Variants in PTMS observed in about 807,000 individuals in gnomAD.
PTMS encodes the protein parathymosin.
A neutral mutation model predicts 18.4 loss-of-function variants in PTMS; 5 were observed. The ratio of observed to expected loss-of-function variants is 0.27; its 90% CI spans 0.14 to 0.57. The LOEUF is 0.57. Ranked by LOEUF, PTMS falls within the 20% of genes least tolerant of loss-of-function variation. The pLI is 0.92. For missense variants in PTMS, 93 were observed against 124.6 expected, an observed-to-expected ratio of 0.75 and a Z score of 1.21; for synonymous variants, 53 against 47.7, an observed-to-expected ratio of 1.11 and a Z score of -0.46.
intron 1 of PTMS, chr12:6,768,987 T>A (rs1018360126): frequency 1.3e-5 from 2 of 156,422 alleles, no homozygotes; most frequent in Non-Finnish European, 2.8e-5. Context: ...AGGAAACTAC[T>A]TGAACTGTTT....
At chr12:6,768,786 C>G (rs1314977675) in intron 1 of PTMS, among the ~76,000 whole-genome samples, 2 of 152,122 alleles carry the variant, frequency 1.3e-5, no homozygotes, top group Non-Finnish European at 2.9e-5. Flanking sequence ...GTGGGAGGGT[C>G]TCCTAGACTG....
At chr12:6,769,244 G>A (rs1444618885) in intron 1 of PTMS, 2 of 284,726 alleles carry the variant, frequency 7.0e-6, no homozygotes, top group Non-Finnish European at 1.3e-5. Flanking sequence ...GACACAGGAG[G>A]GGGCGGGGCA....
At chr12:6,769,269 A>G (rs12581456) in intron 1 of PTMS, 3 of 329,242 alleles carry the variant, frequency 9.1e-6, no homozygotes, top group Non-Finnish European at 5.6e-6. Flanking sequence ...GGCTGCAAGC[A>G]GATGGAGAGG....
intron 1 of PTMS, 112 bp downstream of exon 1, chr12:6,766,862 G>C: frequency 8.6e-6 from 6 of 700,598 alleles, no homozygotes; most frequent in Non-Finnish European, 1.1e-5. Flanking sequence ...CCCGGGTCCT[G>C]GCGGACCCCA....
rs1941830346 is a variant in PTMS, at chr12:6,770,877, C to T, written c.*435C>T. On this transcript the variant is annotated 3_prime_UTR_variant, in exon 5 of 5. Transcript: ENST00000309083. This position sits in a 1 kb window ranked among gnomAD's most constrained non-coding sequence, Gnocchi z 7.3. ...GGCCGGGGTGGGGCCGGGGTTGGGG[C>T]CGAGCCCCACAGCTGCCCCCCTCCC... is the stretch of plus-strand genomic sequence containing the variant. 5.4e-6 allele frequency: 1 copy of T among 183,702 alleles called. No individual in the cohort carries two copies. Among genetic ancestry groups the T allele is most frequent in the Non-Finnish European group, 1.1e-5 (1 of 87,216 alleles). The allele number at this position is 183,702 out of a possible 1,614,324, so 11.4% of individuals were successfully genotyped here. A position where few individuals can be genotyped will look rare whatever the true frequency, so the allele number is the denominator to read the frequency against.
At chr12:6,768,411 A>G (rs1332402457) in intron 1 of PTMS, among the ~76,000 whole-genome samples, 1 of 152,182 alleles carries the variant, frequency 6.6e-6, no homozygotes. Context: ...GAGAGTGAAG[A>G]GTTCTGAGCT....
In PTMS at chr12:6,770,100, C is replaced by G; in HGVS notation, c.197-57C>G. The G allele has an allele frequency of 3.1e-6, 5 of 1,612,102 alleles. No individual in the cohort carries two copies. The highest frequency in any genetic ancestry group is 4.2e-6 in the Non-Finnish European group (5 of 1,179,146). On this transcript the variant is annotated intron_variant, in intron 3 of 4. Coordinates refer to ENST00000309083, the MANE Select transcript of PTMS (RefSeq NM_002824.6). This position sits in a 1 kb window ranked among gnomAD's most constrained non-coding sequence, Gnocchi z 7.3. ...CCTGAAGCAGGGCTGAGGGCGACCA[C>G]GGGGGCTCTGCCAGAGCTTCCTGCC...
Position 6,770,683 on chromosome 12 carries a change from A to G in PTMS, c.*241A>G, listed in dbSNP as rs1021181634. On this transcript the variant is annotated 3_prime_UTR_variant, in exon 5 of 5. Transcript: ENST00000309083. This position sits in a 1 kb window ranked among gnomAD's most constrained non-coding sequence, Gnocchi z 7.3. ...ATCTGAGCTCTCCAGCTGGCCCCCAATTGCTCCTCTCTCTCTTTGCTCTCT... is the reference window on the plus strand; with the variant it reads ...ATCTGAGCTCTCCAGCTGGCCCCCAGTTGCTCCTCTCTCTCTTTGCTCTCT... 3 of 582,252 alleles carry G rather than the reference A, an allele frequency of 5.2e-6. No homozygotes were observed. The highest frequency in any genetic ancestry group is 9.2e-6 in the Non-Finnish European group (3 of 325,702). 36.1% of individuals were successfully genotyped at this position (582,252 alleles called of 1,614,324 possible).
At chr12:6,768,405 G>T (rs1410029030) in intron 1 of PTMS, among the ~76,000 whole-genome samples, 2 of 152,194 alleles carry the variant, frequency 1.3e-5, no homozygotes, top group African/African-American at 2.4e-5. Flanking sequence ...TGGAGTGAGA[G>T]TGAAGAGTTC....
rs367793110 is a variant in PTMS at position 6,769,267 on chromosome 12, G to C, written c.46-336G>C. ...AGGGGGCGGGGCACTGAGGCTGCAA[G>C]CAGATGGAGAGGATTTGCTTTGCTG... On this transcript the variant is annotated intron_variant, in intron 1 of 4. Transcript: ENST00000309083. The C allele has an allele frequency of 1.6e-4, 53 of 325,276 alleles. No homozygotes were observed. The East Asian group carries it at 3.9e-3, about 24-fold the overall frequency. The allele number at this position is 325,276 out of a possible 1,614,324, so 20.1% of individuals were successfully genotyped here.
Position 6,770,453 on chromosome 12 carries a change from A to G in PTMS, c.*11A>G, listed in dbSNP as rs1565480194. The G allele has an allele frequency of 7.5e-6, 12 of 1,604,924 alleles. No homozygotes were observed. The highest frequency in any genetic ancestry group is 4.5e-5 in the East Asian group (2 of 44,680). On this transcript the variant is annotated 3_prime_UTR_variant, in exon 5 of 5. Transcript: ENST00000309083. This position sits in a 1 kb window ranked among gnomAD's most constrained non-coding sequence, Gnocchi z 7.3. ...GGGGCATCGGCGTGAGCCCCTGCCA[A>G]CAGGCTGGGGTTGGGAGGCCTCTCT...
At position 6,766,758 on chromosome 12, in the gene PTMS, CG is replaced by C. The variant is rs1324606367; in HGVS notation, c.45+13del. 5.7e-6 allele frequency: 6 copies of C among 1,050,478 alleles called. No individual in the cohort carries two copies. In the South Asian group the frequency reaches 1.2e-4, roughly 21 times the overall value. 65.1% of individuals were successfully genotyped at this position (1,050,478 alleles called of 1,614,324 possible). On this transcript the variant is annotated intron_variant, in intron 1 of 4. Coordinates refer to ENST00000309083, the MANE Select transcript of PTMS (RefSeq NM_002824.6). ...GCCGAGTTGAGCGCCAAGGTACGGG[CG>C]GGGGCGGCGGCGGCCCGGACCTCGC...
intron 1 of PTMS, chr12:6,769,285 C>A (rs986966383): frequency 5.4e-6 from 2 of 368,072 alleles, no homozygotes; most frequent in Non-Finnish European, 9.9e-6. Flanking sequence ...AGAGGATTTG[C>A]TTTGCTGAGC....
At chr12:6,768,857 CCTT>C (rs1162874875) in intron 1 of PTMS, among the ~76,000 whole-genome samples, 1 of 152,160 alleles carries the variant, frequency 6.6e-6, no homozygotes, top group African/African-American at 2.4e-5. Context: ...GTTGCTCTCT[CCTT>C]GTTTCCCACG....
At chr12:6,768,424 C>A (rs1368598517) in intron 1 of PTMS, among the ~76,000 whole-genome samples, 1 of 152,094 alleles carries the variant, frequency 6.6e-6, no homozygotes, top group Non-Finnish European at 1.5e-5. Context: ...TCTGAGCTAC[C>A]CTTAAAGGGA....
At chr12:6,768,302 C>T (rs1005771456) in intron 1 of PTMS, among the ~76,000 whole-genome samples, 3 of 152,118 alleles carry the variant, frequency 2.0e-5, no homozygotes, top group Admixed American at 2.0e-4. Flanking sequence ...TGGCCCAGGA[C>T]GTAGGGAAGA....
intron 1 of PTMS, chr12:6,767,193 G>C (rs1941777620): frequency 6.6e-6 from 1 of 151,902 alleles, no homozygotes; most frequent in Non-Finnish European, 1.5e-5. Flanking sequence ...ACTCTCCCTG[G>C]AGGCTGCTCC....
chr12:6,766,644 G>T lies in PTMS; in HGVS notation c.-62G>T, dbSNP rs1385768367. ...CCGCGGCCACCCTCCGCCGTCCAGG[G>T]CCCCTCCGTCTCGGCCCCGGGACCC... is the stretch of plus-strand genomic sequence containing the variant. On this transcript the variant is annotated 5_prime_UTR_variant, in exon 1 of 5. Coordinates refer to ENST00000309083, the MANE Select transcript of PTMS (RefSeq NM_002824.6). 2.5e-5 allele frequency: 25 copies of T among 1,012,928 alleles called. 1 individual carries two copies. The South Asian group carries it at 7.5e-4, about 31-fold the overall frequency. 62.7% of individuals were successfully genotyped at this position (1,012,928 alleles called of 1,614,324 possible). A position where few individuals can be genotyped will look rare whatever the true frequency, so the allele number is the denominator to read the frequency against.
At position 6,769,907 on chromosome 12, in the gene PTMS, C is replaced by G. The variant is rs1439698671; in HGVS notation, c.118-14C>G. The G allele has an allele frequency of 6.4e-7, 1 of 1,565,052 alleles. No individual in the cohort carries two copies. The highest frequency in any genetic ancestry group is 1.9e-5 in the Admixed American group (1 of 52,038). ...CAGCCAGCCTGAGGCTACTCCCTCT[C>G]CTGGTCCCCACAGGAGGAGGAGAAC... On this transcript the variant is annotated splice_polypyrimidine_tract_variant and intron_variant, in intron 2 of 4. Transcript: ENST00000309083.
Sources: gnomAD v4.1 joint callset for allele counts (sites outside exome capture counted in the v4.1 genomes callset) on GRCh38, gnomAD v4.1.1 for gene constraint, Gnocchi (gnomAD v3.1) non-coding constraint, MANE v1.5 for transcripts, NCBI Gene and HGNC (gene_info 2026-07-23, HGNC 2026-07-21) for gene names.